Variants in MELK observed in about 807,000 individuals in gnomAD.
MELK encodes pEg3 kinase.
A neutral mutation model predicts 85.0 loss-of-function variants in MELK; 81 were observed. That is an observed-to-expected ratio of 0.95 (90% CI 0.80 to 1.15). The LOEUF (loss-of-function observed/expected upper bound fraction) is 1.15. Among genes scored for constraint, MELK ranks in the 50% most tolerant of loss-of-function variants. The probability of loss-of-function intolerance (pLI) is 0.00; values close to 1 mark genes in which losing one functional copy is unlikely to be tolerated. For synonymous variants in MELK, 252 were observed against 265.0 expected (o/e 0.95, Z 0.48); for missense variants, 754 against 777.5 (o/e 0.97, Z 0.36).
intron 10 of MELK, 131 bp downstream of exon 10, chr9:36,633,331 T>A: frequency 1.6e-6 from 1 of 631,144 alleles, no homozygotes; most frequent in Non-Finnish European, 2.6e-6. Context: ...GGGAGACTTG[T>A]AACCTAATGG....
intron 7 of MELK, among the ~76,000 whole-genome samples, chr9:36,602,817 C>T (rs1031213236): frequency 1.3e-5 from 2 of 152,132 alleles, no homozygotes; most frequent in African/African-American, 4.8e-5. Context: ...CCTTGGCCTA[C>T]CAAAGTGTTG....
chr9:36,649,182 T>A (rs1830470842), intron 11 of MELK, among the ~76,000 whole-genome samples: 1 of 152,144 alleles, frequency 6.6e-6, no homozygotes, highest in Non-Finnish European at 1.5e-5. Context: ...TCATTTGAAA[T>A]CTTTTAAAAG....
chr9:36,627,399 C>G (rs1473300553), intron 8 of MELK, among the ~76,000 whole-genome samples: 1 of 152,072 alleles, frequency 6.6e-6, no homozygotes, highest in Non-Finnish European at 1.5e-5. Context: ...ATGGACTGAC[C>G]TACAAGTGTT....
chr9:36,589,963 T>C (rs935949727), intron 4 of MELK, among the ~76,000 whole-genome samples: 3 of 145,544 alleles, frequency 2.1e-5, no homozygotes, highest in Non-Finnish European at 4.5e-5. Context: ...GCTCTGTCGC[T>C]CAGGCTGAAG....
At position 36,674,816 on chromosome 9, in the gene MELK, T is replaced by C. The variant is rs373977251; in HGVS notation, c.1675-18T>C. 1 of 1,476,344 alleles carries C rather than the reference T, an allele frequency of 6.8e-7. No individual in the cohort carries two copies. The allele number at this position is 1,476,344 out of a possible 1,614,324, so 91.5% of individuals were successfully genotyped here. On this transcript the variant is annotated intron_variant, in intron 16 of 17. Coordinates refer to ENST00000298048, the MANE Select transcript of MELK (RefSeq NM_014791.4). ...GATGTAAAAATTTACTTCTCATCTC[T>C]TCTTTTTCTTTTCTTAGCTTCACTA...
intron 8 of MELK, among the ~76,000 whole-genome samples, chr9:36,611,263 G>T (rs1826027158): frequency 6.6e-6 from 1 of 152,202 alleles, no homozygotes; most frequent in Non-Finnish European, 1.5e-5. Context: ...GCTAGCTGGT[G>T]TAACACGGAA....
At chr9:36,612,004 C>T (rs1448251766) in intron 8 of MELK, among the ~76,000 whole-genome samples, 1 of 151,936 alleles carries the variant, frequency 6.6e-6, no homozygotes, top group African/African-American at 2.4e-5. Flanking sequence ...AACTCCTCAC[C>T]TCGTGATCTG....
Position 36,643,271 on chromosome 9 carries a change from T to C in MELK, c.921+188T>C, listed in dbSNP as rs570290959. Among the ~76,000 whole-genome samples, 111 of 152,088 alleles carry C rather than the reference T, an allele frequency of 7.3e-4. No individual in the cohort carries two copies. The Middle Eastern group carries it at 0.01, about 14-fold the overall frequency. On this transcript the variant is annotated intron_variant, in intron 11 of 17. Coordinates refer to ENST00000298048, the MANE Select transcript of MELK (RefSeq NM_014791.4). ...GGTGGCACGTGCCTGTAATCCCAGC[T>C]ACTTGGGAGGCTGAGGCACGAGAAT...
At chr9:36,656,931 G>A (rs976329207) in intron 12 of MELK, among the ~76,000 whole-genome samples, 1 of 152,076 alleles carries the variant, frequency 6.6e-6, no homozygotes, top group African/African-American at 2.4e-5. Flanking sequence ...TTTCTGTTTA[G>A]ATTTGTTTAG....
At chr9:36,641,241 A>C (rs1829725009) in intron 10 of MELK, among the ~76,000 whole-genome samples, 1 of 152,196 alleles carries the variant, frequency 6.6e-6, no homozygotes, top group Non-Finnish European at 1.5e-5. Flanking sequence ...TGGTGAAAAT[A>C]ACCAGTTTTT....
intron 7 of MELK, among the ~76,000 whole-genome samples, chr9:36,606,030 C>A (rs1434076189): frequency 6.6e-6 from 1 of 151,498 alleles, no homozygotes; most frequent in Non-Finnish European, 1.5e-5. Context: ...ATGGTGGCAT[C>A]ATTACTGACT....
At chr9:36,614,379 G>A (rs903383262) in intron 8 of MELK, among the ~76,000 whole-genome samples, 2 of 151,116 alleles carry the variant, frequency 1.3e-5, no homozygotes, top group Non-Finnish European at 2.9e-5. Context: ...ACAGGTGTGA[G>A]CCACTGCTTC....
chr9:36,655,512 A>G (rs1394475615), intron 12 of MELK, among the ~76,000 whole-genome samples: 1 of 152,186 alleles, frequency 6.6e-6, no homozygotes, highest in Non-Finnish European at 1.5e-5. Context: ...GACAAGAGCC[A>G]GATAGTAGAG....
At chr9:36,620,951 A>G (rs1827344396) in intron 8 of MELK, among the ~76,000 whole-genome samples, 1 of 151,990 alleles carries the variant, frequency 6.6e-6, no homozygotes, top group Non-Finnish European at 1.5e-5. Context: ...TTTCTTAAAT[A>G]TCCCTAAACT....
rs763764290 is a variant in MELK at position 36,607,675 on chromosome 9, T to C, written c.666+2T>C. 6.4e-7 allele frequency: 1 copy of C among 1,573,046 alleles called. No homozygotes were observed. The highest frequency in any genetic ancestry group is 1.1e-5 in the South Asian group (1 of 90,176). On this transcript the variant is annotated splice_donor_variant, in intron 8 of 17. Transcript: ENST00000298048. LOFTEE classifies it high-confidence loss of function. ...ATGGCTTTATACAAGAAGATTATGGTGAGTATTACAAGGCATAGAATTTCA... is the reference window on the plus strand; with the variant it reads ...ATGGCTTTATACAAGAAGATTATGGCGAGTATTACAAGGCATAGAATTTCA...
intron 1 of MELK, among the ~76,000 whole-genome samples, chr9:36,577,851 C>T (rs1466754514): frequency 1.3e-5 from 2 of 151,724 alleles, no homozygotes; most frequent in Non-Finnish European, 2.9e-5. Flanking sequence ...CGGGGTTTCT[C>T]CATGTTGGTC....
chr9:36,620,439 G>A (rs1356615910), intron 8 of MELK, among the ~76,000 whole-genome samples: 1 of 152,000 alleles, frequency 6.6e-6, no homozygotes, highest in Non-Finnish European at 1.5e-5. Flanking sequence ...TTAGAGCATT[G>A]CAGTAATCAG....
Position 36,651,873 on chromosome 9 carries a change from T to C in MELK, c.1049T>C (p.Ile350Thr). ...GQASATPFTD[I>T]KSNNWSLEDV... ...GCCAGTGCTACCCCATTCACAGACA[T>C]CAAGGTAAGTGTTACTGCCTGTTGT... The change falls in exon 12 of 18, where the codon ATC becomes ACC. Residue 350 changes from isoleucine (I) to threonine (T), a missense_variant. Ile to Thr is a moderately conservative substitution (Grantham distance 89). Transcript: ENST00000298048. 1 of 1,613,442 alleles carries C rather than the reference T, an allele frequency of 6.2e-7. No individual in the cohort carries two copies.
At chr9:36,608,365 T>C (rs1825763345) in intron 8 of MELK, among the ~76,000 whole-genome samples, 1 of 151,504 alleles carries the variant, frequency 6.6e-6, no homozygotes, top group African/African-American at 2.4e-5. Flanking sequence ...TATTATGTTA[T>C]TGTTAATCTC....
Sources: allele counts gnomAD v4.1 joint callset (sites outside exome capture counted in the v4.1 genomes callset), GRCh38; gene constraint gnomAD v4.1.1; transcripts MANE v1.5; gene names NCBI Gene and HGNC (gene_info 2026-07-23, HGNC 2026-07-21).